The following PCDH9 variants were observed in gnomAD, a reference collection of about 807,000 sequenced individuals.
The protein encoded by PCDH9 is protocadherin-9.
Under a neutral mutation model 70.6 loss-of-function variants are expected in PCDH9, and 24 were observed. That is an observed-to-expected ratio of 0.34 (90% CI 0.25 to 0.48). The LOEUF is 0.48. PCDH9 is among the 20% of genes least tolerant of loss of function. PCDH9 has a pLI of 0.99. For missense variants in PCDH9, 1,281 were observed against 1,503.6 expected, an observed-to-expected ratio of 0.85 and a Z score of 2.45; for synonymous variants, 562 against 558.5, an observed-to-expected ratio of 1.01 and a Z score of -0.09.
chr13:67,196,093 T>C (rs143975580), intron 2 of PCDH9, among the ~76,000 whole-genome samples: 1 of 152,304 alleles, frequency 6.6e-6, no homozygotes, highest in Admixed American at 6.5e-5. Context: ...AAACAAACTC[T>C]ATGGATACAT....
At chr13:66,864,745 G>C (rs1566250105) in intron 3 of PCDH9, among the ~76,000 whole-genome samples, 1 of 152,124 alleles carries the variant, frequency 6.6e-6, no homozygotes, top group Non-Finnish European at 1.5e-5. Flanking sequence ...CTGCTTGTTT[G>C]TTTGTTTTAG....
intron 3 of PCDH9, among the ~76,000 whole-genome samples, chr13:66,753,099 T>C (rs1290607895): frequency 6.6e-6 from 1 of 152,190 alleles, no homozygotes; most frequent in Admixed American, 6.6e-5. Flanking sequence ...AGGTAAATCC[T>C]TCATAGCTTT....
chr13:66,336,212 C>G (rs938759263), intron 4 of PCDH9, among the ~76,000 whole-genome samples: 5 of 151,744 alleles, frequency 3.3e-5, no homozygotes, highest in Non-Finnish European at 7.4e-5. Context: ...TATATACAAG[C>G]AACAATTTGT....
chr13:66,543,704 TA>T (rs1961064496), intron 4 of PCDH9, among the ~76,000 whole-genome samples: 1 of 152,072 alleles, frequency 6.6e-6, no homozygotes, highest in Non-Finnish European at 1.5e-5. Flanking sequence ...TAAACATATT[TA>T]AAAAGACACC....
At chr13:66,989,037 T>C (rs1004504656) in intron 2 of PCDH9, among the ~76,000 whole-genome samples, 5 of 151,898 alleles carry the variant, frequency 3.3e-5, no homozygotes, top group Admixed American at 6.6e-5. Flanking sequence ...GCACAACATA[T>C]ACACTAAGTG....
At chr13:66,941,148 A>G (rs1231281955) in intron 2 of PCDH9, among the ~76,000 whole-genome samples, 3 of 152,010 alleles carry the variant, frequency 2.0e-5, no homozygotes, top group East Asian at 1.9e-4. Flanking sequence ...AAAGTATACT[A>G]TTGTGAAATA....
At chr13:66,633,138 A>G (rs1330707608) in intron 3 of PCDH9, among the ~76,000 whole-genome samples, 2 of 152,172 alleles carry the variant, frequency 1.3e-5, no homozygotes, top group African/African-American at 2.4e-5. Context: ...CTGCTGTTCA[A>G]TGATCTGTGT....
intron 3 of PCDH9, among the ~76,000 whole-genome samples, chr13:66,711,551 G>A (rs2078794143): frequency 6.6e-6 from 1 of 151,842 alleles, no homozygotes; most frequent in East Asian, 1.9e-4. Flanking sequence ...AAAATCAGTC[G>A]TCTTTTCCTT....
intron 4 of PCDH9, among the ~76,000 whole-genome samples, chr13:66,503,254 A>G (rs1370189993): frequency 6.6e-6 from 1 of 152,192 alleles, no homozygotes; most frequent in Admixed American, 6.5e-5. Context: ...TTCAGAATAC[A>G]TGTCCTTACC....
chr13:66,775,860 C>G (rs867141876), intron 3 of PCDH9, among the ~76,000 whole-genome samples: 32 of 152,122 alleles, frequency 2.1e-4, no homozygotes, highest in African/African-American at 7.7e-4. Context: ...CAGCGTTCAA[C>G]TGTGTTGACC....
chr13:67,055,913 G>A (rs1398326780), intron 2 of PCDH9, among the ~76,000 whole-genome samples: 1 of 152,114 alleles, frequency 6.6e-6, no homozygotes, highest in Non-Finnish European at 1.5e-5. Context: ...AGCACTTTGG[G>A]AGTCTGAGGA....
chr13:67,136,781 A>G (rs1002855337), intron 2 of PCDH9, among the ~76,000 whole-genome samples: 2 of 152,028 alleles, frequency 1.3e-5, no homozygotes, highest in Non-Finnish European at 2.9e-5. Flanking sequence ...GTTATGTTAT[A>G]TATGAAATGG....
At chr13:66,911,990 G>A (rs937405601) in intron 2 of PCDH9, among the ~76,000 whole-genome samples, 3 of 152,084 alleles carry the variant, frequency 2.0e-5, no homozygotes, top group Non-Finnish European at 4.4e-5. Flanking sequence ...TATTTACTGC[G>A]ATAAAATCCC....
chr13:67,225,376 C>T, intron 2 of PCDH9, 29 bp downstream of exon 2: 1 of 1,605,054 alleles, frequency 6.2e-7, no homozygotes, highest in Non-Finnish European at 8.5e-7. Flanking sequence ...GTATGCAGTA[C>T]TTATAGACCA....
At chr13:66,728,288 A>G (rs1208020076) in intron 3 of PCDH9, among the ~76,000 whole-genome samples, 1 of 152,144 alleles carries the variant, frequency 6.6e-6, no homozygotes, top group African/African-American at 2.4e-5. Flanking sequence ...CTTCCTTTGT[A>G]CACTGGAGTT....
chr13:66,939,156 G>A (rs1461215331), intron 2 of PCDH9, among the ~76,000 whole-genome samples: 1 of 151,720 alleles, frequency 6.6e-6, no homozygotes, highest in Non-Finnish European at 1.5e-5. Context: ...AATCTATACT[G>A]TATAAGATTC....
At chr13:66,943,651 A>G (rs145758584) in intron 2 of PCDH9, among the ~76,000 whole-genome samples, 1 of 152,142 alleles carries the variant, frequency 6.6e-6, no homozygotes, top group African/African-American at 2.4e-5. Context: ...AGACTCCTGG[A>G]GATTGATACA....
chr13:66,405,227 ACTT>A (rs1009677468), intron 4 of PCDH9, among the ~76,000 whole-genome samples: 3 of 151,956 alleles, frequency 2.0e-5, no homozygotes, highest in African/African-American at 7.3e-5. Flanking sequence ...TCTGCTTATC[ACTT>A]CTTCATTTCT....
chr13:66,734,787 A>G (rs968285973), intron 3 of PCDH9, among the ~76,000 whole-genome samples: 1 of 151,922 alleles, frequency 6.6e-6, no homozygotes, highest in African/African-American at 2.4e-5. Context: ...TGAAATACAC[A>G]TTGTTATATA....
Sources: allele counts gnomAD v4.1 joint callset (sites outside exome capture counted in the v4.1 genomes callset), GRCh38; gene constraint gnomAD v4.1.1; transcripts MANE v1.5; gene names NCBI Gene and HGNC (gene_info 2026-07-23, HGNC 2026-07-21).